ATP8B4: variants seen among roughly 807,000 people sequenced by gnomAD.
ATP8B4 encodes ATPase phospholipid transporting 8B4 (putative), also known as probable phospholipid-transporting ATPase IM.
Under a neutral mutation model 145.6 loss-of-function variants are expected in ATP8B4, and 133 were observed. The observed-to-expected ratio is 0.91, with a 90% CI of 0.79 to 1.05. ATP8B4 has a LOEUF of 1.05. ATP8B4 is among the 50% of genes least tolerant of loss of function. ATP8B4 has a pLI of 0.00. For missense variants in ATP8B4, 1,458 were observed against 1,425.2 expected (o/e 1.02, Z -0.37); for synonymous variants, 507 against 492.9 (o/e 1.03, Z -0.38).
At chr15:50,002,015 G>A (rs1399782321) in intron 8 of ATP8B4, 138 bp downstream of exon 8, 1 of 646,176 alleles carries the variant, frequency 1.5e-6, no homozygotes, top group African/African-American at 1.9e-5. Flanking sequence ...TTACTGTAGA[G>A]TAATTAACTA....
intron 14 of ATP8B4, among the ~76,000 whole-genome samples, chr15:49,936,323 C>T (rs962295963): frequency 2.6e-5 from 4 of 152,100 alleles, no homozygotes; most frequent in African/African-American, 9.7e-5. Flanking sequence ...TTTGTTGTAG[C>T]ATATCTTAAA....
chr15:50,004,176 C>T (rs2048128878), intron 7 of ATP8B4, among the ~76,000 whole-genome samples: 1 of 152,158 alleles, frequency 6.6e-6, no homozygotes, highest in Non-Finnish European at 1.5e-5. Flanking sequence ...GCCTGCTGTT[C>T]CCTTTTGTTA....
intron 1 of ATP8B4, among the ~76,000 whole-genome samples, chr15:50,133,584 C>T (rs182190713): frequency 2.6e-5 from 4 of 151,764 alleles, no homozygotes; most frequent in Admixed American, 2.6e-4. Context: ...CAGAGTGAGA[C>T]CCTGTATCAA....
intron 16 of ATP8B4, among the ~76,000 whole-genome samples, chr15:49,929,992 G>A (rs545308036): frequency 7.9e-5 from 12 of 152,024 alleles, no homozygotes; most frequent in African/African-American, 2.9e-4. Flanking sequence ...AATCTGGGAT[G>A]GAAAGCAGAA....
intron 12 of ATP8B4, among the ~76,000 whole-genome samples, chr15:49,977,688 G>A (rs1406994452): frequency 6.6e-6 from 1 of 151,994 alleles, no homozygotes; most frequent in Non-Finnish European, 1.5e-5. Context: ...ATATTTTATG[G>A]TATATTATAG....
intron 14 of ATP8B4, among the ~76,000 whole-genome samples, chr15:49,935,832 T>C (rs1001225676): frequency 1.3e-5 from 2 of 152,160 alleles, no homozygotes; most frequent in Admixed American, 1.3e-4. Flanking sequence ...TATAGGCATA[T>C]CCAGTTTAAT....
intron 20 of ATP8B4, among the ~76,000 whole-genome samples, chr15:49,915,297 G>C (rs748858587): frequency 6.6e-6 from 1 of 152,176 alleles, no homozygotes; most frequent in Non-Finnish European, 1.5e-5. Flanking sequence ...CCAGACACTA[G>C]GAAGGTTGTA....
chr15:49,956,990 C>G (rs2043626597), intron 14 of ATP8B4, among the ~76,000 whole-genome samples: 1 of 151,670 alleles, frequency 6.6e-6, no homozygotes, highest in Non-Finnish European at 1.5e-5. Context: ...GGTCTAAAAC[C>G]AATAGATTAG....
Position 49,876,431 on chromosome 15 carries a change from G to C in ATP8B4, c.2874C>G (p.Cys958Trp). 1 of 1,613,558 alleles carries C rather than the reference G, an allele frequency of 6.2e-7. No individual in the cohort carries two copies. Among genetic ancestry groups the C allele is most frequent in the Non-Finnish European group, 8.5e-7 (1 of 1,179,804 alleles). The change falls in exon 25 of 28, where the codon TGC becomes TGG. Residue 958 changes from cysteine (C) to tryptophan (W), a missense_variant. Transcript: ENST00000284509. ...LLFNKRKFFI[C>W]VLHGIYTSLV... ...ATGAGGTGTAGATTCCATGCAACAC[G>C]CAAATGAAAAATTTACGCTTGTTAA... is the stretch of plus-strand genomic sequence containing the variant.
chr15:49,950,862 C>G (rs957559200), intron 14 of ATP8B4, among the ~76,000 whole-genome samples: 18 of 152,302 alleles, frequency 1.2e-4, no homozygotes, highest in African/African-American at 4.3e-4. Context: ...CCTCTTAATG[C>G]TGCTTTAGCT....
intron 24 of ATP8B4, chr15:49,876,776 G>A (rs1338537035): frequency 3.2e-6 from 2 of 631,250 alleles, no homozygotes; most frequent in Non-Finnish European, 5.8e-6. Flanking sequence ...CTCGTAAGTA[G>A]CAGAACCAGG....
intron 2 of ATP8B4, among the ~76,000 whole-genome samples, chr15:50,087,048 ATATT>A (rs1485658708): frequency 8.3e-6 from 1 of 120,950 alleles, no homozygotes; most frequent in African/African-American, 3.3e-5. Context: ...ATAGAGATCT[ATATT>A]TATTATATAT....
chr15:50,008,536 T>C (rs971412893), intron 7 of ATP8B4, among the ~76,000 whole-genome samples: 1 of 152,254 alleles, frequency 6.6e-6, no homozygotes. Flanking sequence ...CAATTGCACT[T>C]GTGCTTGCCT....
At chr15:49,884,420 G>A (rs1291100842) in intron 23 of ATP8B4, among the ~76,000 whole-genome samples, 1 of 151,850 alleles carries the variant, frequency 6.6e-6, no homozygotes, top group Non-Finnish European at 1.5e-5. Flanking sequence ...TGGCAACATG[G>A]TGAAACTTGT....
Position 49,987,635 on chromosome 15 carries a change from T to G in ATP8B4, c.590-86A>C. ...CCCACAGCACTGTTTTACCACTGTT[T>G]CCCTCTCCTTTAGACAGCCTGGGGT... On this transcript the variant is annotated intron_variant, in intron 9 of 27. Coordinates refer to ENST00000284509, the MANE Select transcript of ATP8B4 (RefSeq NM_024837.4). The G allele has an allele frequency of 2.9e-6, 4 of 1,382,300 alleles. No homozygotes were observed. The South Asian group carries it at 5.5e-5, about 19-fold the overall frequency. 85.6% of individuals were successfully genotyped at this position (1,382,300 alleles called of 1,614,324 possible). A position where few individuals can be genotyped will look rare whatever the true frequency, so the allele number is the denominator to read the frequency against.
intron 20 of ATP8B4, chr15:49,901,927 T>C (rs1284984264): frequency 2.8e-6 from 1 of 351,794 alleles, no homozygotes. Flanking sequence ...GCCCTCCAAA[T>C]GCTCTAGATC....
intron 5 of ATP8B4, among the ~76,000 whole-genome samples, chr15:50,043,660 G>A (rs2051482432): frequency 6.6e-6 from 1 of 152,098 alleles, no homozygotes; most frequent in Non-Finnish European, 1.5e-5. Context: ...TTTATTATAA[G>A]AATACAGTGT....
intron 6 of ATP8B4, among the ~76,000 whole-genome samples, chr15:50,025,283 T>C (rs1009752747): frequency 6.6e-6 from 1 of 152,144 alleles, no homozygotes; most frequent in African/African-American, 2.4e-5. Flanking sequence ...GACAAACCCT[T>C]CCACACAATC....
Position 50,074,157 on chromosome 15 carries a change from G to T in ATP8B4, c.57C>A (p.Asp19Glu). 6.2e-7 allele frequency: 1 copy of T among 1,612,912 alleles called. No homozygotes were observed. The highest frequency in any genetic ancestry group is 1.7e-5 in the Admixed American group (1 of 59,842). ...REVERIVKAN[D>E]REYNEKFQYA... ...ACTGGAACTTTTCATTATATTCACG[G>T]TCATTGGCTTTCACTATCCGTTCCA... Residue 19 changes from aspartate (D) to glutamate (E), a missense_variant, in exon 3 of 28, where the codon GAC (aspartate) becomes GAA (glutamate). Coordinates refer to ENST00000284509, the MANE Select transcript of ATP8B4 (RefSeq NM_024837.4).
Sources: allele counts gnomAD v4.1 joint callset (sites outside exome capture counted in the v4.1 genomes callset), GRCh38; gene constraint gnomAD v4.1.1; transcripts MANE v1.5; gene names NCBI Gene and HGNC (gene_info 2026-07-23, HGNC 2026-07-21).